Variants in GIPC2 observed in about 807,000 individuals in gnomAD.
GIPC2 encodes the protein PDZ domain-containing protein GIPC2.
Under a neutral mutation model 30.6 loss-of-function variants are expected in GIPC2, and 30 were observed. The ratio of observed to expected loss-of-function variants is 0.98; its 90% CI spans 0.73 to 1.33. The LOEUF (loss-of-function observed/expected upper bound fraction) is 1.33. Among genes scored for constraint, GIPC2 ranks in the 40% most tolerant of loss-of-function variants. GIPC2 has a pLI of 0.00. For synonymous variants in GIPC2, 167 were observed against 150.0 expected (o/e 1.11, Z -0.83); for missense variants, 414 against 390.3 (o/e 1.06, Z -0.51).
intron 2 of GIPC2, among the ~76,000 whole-genome samples, chr1:78,093,553 A>C (rs1004528608): frequency 6.6e-6 from 1 of 152,226 alleles, no homozygotes; most frequent in African/African-American, 2.4e-5. Context: ...TAATAATGCA[A>C]TTTAAACATT....
intron 2 of GIPC2, among the ~76,000 whole-genome samples, chr1:78,088,358 TCAG>T (rs2100362075): frequency 6.6e-6 from 1 of 152,284 alleles, no homozygotes; most frequent in African/African-American, 2.4e-5. Context: ...TAAATGCCAA[TCAG>T]CAGCAGACTG....
chr1:78,077,807 T>C (rs1661743079), intron 1 of GIPC2, among the ~76,000 whole-genome samples: 1 of 152,196 alleles, frequency 6.6e-6, no homozygotes, highest in Non-Finnish European at 1.5e-5. Flanking sequence ...GTATGAAAGC[T>C]CACAGTAGCT....
At chr1:78,057,362 G>A (rs1661316036) in intron 1 of GIPC2, among the ~76,000 whole-genome samples, 1 of 152,142 alleles carries the variant, frequency 6.6e-6, no homozygotes, top group Non-Finnish European at 1.5e-5. Context: ...AGAGCCAGAT[G>A]TGCTTTTCCT....
At chr1:78,117,928 CTT>C (rs1662599812) in intron 3 of GIPC2, among the ~76,000 whole-genome samples, 1 of 151,974 alleles carries the variant, frequency 6.6e-6, no homozygotes. Context: ...TTCTTTCCTT[CTT>C]TCTCTCTCTC....
In GIPC2 at chr1:78,118,147, T is replaced by G. The variant is rs375481060; in HGVS notation, c.608-1246T>G. Among the ~76,000 whole-genome samples the G allele has an allele frequency of 2.7e-3, 413 of 151,510 alleles. 1 individual carries two copies. The highest frequency in any genetic ancestry group is 0.01 in the Middle Eastern group (3 of 290). ...CCTGTTGCCCAGGCTGGTCTTGAAC[T>G]CTTGGGCTCAAGCGATCTGCCTGCT... On this transcript the variant is annotated intron_variant, in intron 3 of 5. Coordinates refer to ENST00000370759, the MANE Select transcript of GIPC2 (RefSeq NM_017655.6).
intron 2 of GIPC2, 100 bp downstream of exon 2, chr1:78,080,960 C>T (rs1571493695): frequency 7.0e-6 from 4 of 575,482 alleles, no homozygotes; most frequent in South Asian, 7.3e-5. Context: ...AGTGAGAGCC[C>T]GCTCAGCAAG....
intron 3 of GIPC2, among the ~76,000 whole-genome samples, chr1:78,098,831 A>G (rs1662188516): frequency 6.6e-6 from 1 of 152,176 alleles, no homozygotes; most frequent in Non-Finnish European, 1.5e-5. Context: ...TTGAACATGA[A>G]GATAACTATC....
At chr1:78,053,754 AAAAAAAAAAAAGCC>A (rs1661238353) in intron 1 of GIPC2, among the ~76,000 whole-genome samples, 1 of 140,326 alleles carries the variant, frequency 7.1e-6, no homozygotes, top group Admixed American at 7.5e-5. Flanking sequence ...TTAAAAAAAA[AAAAAAAAAAAAGCC>A]AAAAAAAAAA....
At chr1:78,086,747 G>C (rs1399749099) in intron 2 of GIPC2, among the ~76,000 whole-genome samples, 1 of 152,106 alleles carries the variant, frequency 6.6e-6, no homozygotes. Context: ...AACAGGGATA[G>C]GATTGCAGCC....
At chr1:78,066,345 T>C (rs1309063873) in intron 1 of GIPC2, among the ~76,000 whole-genome samples, 2 of 152,180 alleles carry the variant, frequency 1.3e-5, no homozygotes, top group East Asian at 3.8e-4. Flanking sequence ...TACCGTCTCA[T>C]ACAAGTCAGA....
intron 3 of GIPC2, among the ~76,000 whole-genome samples, chr1:78,115,262 T>C (rs1662547715): frequency 6.6e-6 from 1 of 152,182 alleles, no homozygotes; most frequent in South Asian, 2.1e-4. Flanking sequence ...TTTTGAAAAG[T>C]CAGATTGGCA....
At chr1:78,084,429 T>A (rs937802195) in intron 2 of GIPC2, among the ~76,000 whole-genome samples, 1 of 150,784 alleles carries the variant, frequency 6.6e-6, no homozygotes, top group Non-Finnish European at 1.5e-5. Flanking sequence ...GAGAATCACT[T>A]GAGCCTGGGA....
rs1476484269 is a variant in GIPC2 at position 78,135,625 on chromosome 1, T to TA, written c.833dup (p.Asn278LysfsTer4). ...ATGTTTGAAGCTGGAAAGGACAAAGTAAATCCAGATGAATTTGCTGTGGCA... is the reference window on the plus strand; with the variant it reads ...ATGTTTGAAGCTGGAAAGGACAAAGTAAAATCCAGATGAATTTGCTGTGGCA... On this transcript the variant is annotated frameshift_variant, in exon 6 of 6. Coordinates refer to ENST00000370759, the MANE Select transcript of GIPC2 (RefSeq NM_017655.6). LOFTEE classifies it high-confidence loss of function. 6.2e-7 allele frequency: 1 copy of TA among 1,601,244 alleles called. No homozygotes were observed. Among genetic ancestry groups the TA allele is most frequent in the Non-Finnish European group, 8.5e-7 (1 of 1,171,164 alleles).
At chr1:78,133,569 C>T (rs1195862791) in intron 5 of GIPC2, among the ~76,000 whole-genome samples, 1 of 152,052 alleles carries the variant, frequency 6.6e-6, no homozygotes, top group Non-Finnish European at 1.5e-5. Context: ...GTGCTGGTGG[C>T]TAGGAGGAGG....
chr1:78,073,324 G>A (rs5001390), intron 1 of GIPC2, among the ~76,000 whole-genome samples: 34,226 of 151,828 alleles, frequency 0.23, 4,184 homozygotes, highest in East Asian at 0.49. Context: ...GGCTGGTCTC[G>A]AACTCCTGAC....
At chr1:78,095,575 C>T (rs915800187) in intron 3 of GIPC2, among the ~76,000 whole-genome samples, 3 of 152,036 alleles carry the variant, frequency 2.0e-5, no homozygotes, top group Non-Finnish European at 4.4e-5. Flanking sequence ...TTTAAAGACC[C>T]CCTTCCCCAA....
intron 3 of GIPC2, among the ~76,000 whole-genome samples, chr1:78,108,857 T>C (rs1014671036): frequency 7.9e-5 from 12 of 152,152 alleles, no homozygotes; most frequent in African/African-American, 2.7e-4. Flanking sequence ...TTGGACAGAA[T>C]TCTTTATCTG....
chr1:78,091,561 C>T (rs1662039397), intron 2 of GIPC2: 1 of 755,852 alleles, frequency 1.3e-6, no homozygotes. Context: ...AGGATTTCAG[C>T]GGCAACCTCT....
At chr1:78,097,130 A>C (rs531390022) in intron 3 of GIPC2, among the ~76,000 whole-genome samples, 4 of 152,164 alleles carry the variant, frequency 2.6e-5, no homozygotes, top group Non-Finnish European at 5.9e-5. Flanking sequence ...AGCATATATC[A>C]GGGGGTACTT....
Sources: allele counts gnomAD v4.1 joint callset (sites outside exome capture counted in the v4.1 genomes callset), GRCh38; gene constraint gnomAD v4.1.1; transcripts MANE v1.5; gene names NCBI Gene and HGNC (gene_info 2026-07-23, HGNC 2026-07-21).